PAPPA: variants seen among roughly 807,000 people sequenced by gnomAD.
PAPPA encodes pappalysin 1.
A neutral mutation model predicts 164.0 loss-of-function variants in PAPPA; 60 were observed. That is an observed-to-expected ratio of 0.37 (90% CI 0.30 to 0.45). The LOEUF (loss-of-function observed/expected upper bound fraction) is 0.45. Ranked by LOEUF, PAPPA falls within the 20% of genes least tolerant of loss-of-function variation. The pLI, the probability that PAPPA is intolerant of heterozygous loss-of-function variation, is 1.00. For missense variants in PAPPA, 1,782 were observed against 2,087.3 expected, an observed-to-expected ratio of 0.85 and a Z score of 2.85; for synonymous variants, 875 against 814.1, an observed-to-expected ratio of 1.07 and a Z score of -1.27.
At chr9:116,232,282 G>C (rs1587963688) in intron 6 of PAPPA, among the ~76,000 whole-genome samples, 1 of 152,218 alleles carries the variant, frequency 6.6e-6, no homozygotes, top group African/African-American at 2.4e-5. Context: ...CTATTCTCAT[G>C]CTTGGAATAC....
rs1255796735 is a variant in PAPPA at position 116,399,941 on chromosome 9, G to A, written c.*3325G>A. The A allele has an allele frequency of 6.6e-6, 1 of 152,578 alleles. No individual in the cohort carries two copies. Among genetic ancestry groups the A allele is most frequent in the Non-Finnish European group, 1.5e-5 (1 of 68,020 alleles). The allele number at this position is 152,578 out of a possible 1,614,324, so 9.5% of individuals were successfully genotyped here. On this transcript the variant is annotated 3_prime_UTR_variant, in exon 22 of 22. Transcript: ENST00000328252. ...TTGTTGAAAATAATTCTTTGAGACA[G>A]ATTTCAGCTACCTCCCTTCCAGGTT...
Position 116,164,273 on chromosome 9 carries a change from C to G in PAPPA, c.415+9686C>G, listed in dbSNP as rs962686620. Among the ~76,000 whole-genome samples, 4 of 152,214 alleles carry G rather than the reference C, an allele frequency of 2.6e-5. 1 individual carries two copies. Among genetic ancestry groups the G allele is most frequent in the Non-Finnish European group, 2.9e-5 (2 of 68,040 alleles). Reference sequence around the variant, plus strand: ...AAGTATATCCAGCTTCCTCTCAACTCCCTCCTTCTTCTCTCTCTTCCTACT... The same window carrying G: ...AAGTATATCCAGCTTCCTCTCAACTGCCTCCTTCTTCTCTCTCTTCCTACT... On this transcript the variant is annotated intron_variant, in intron 1 of 21. Transcript: ENST00000328252.
At position 116,402,074 on chromosome 9, in the gene PAPPA, T is replaced by C. The variant is rs1324090521; in HGVS notation, c.*5458T>C. ...TATTAAGAATGTCATCTTTTTTAAT[T>C]TATATTTACACAATTGTTCATCTAA... On this transcript the variant is annotated 3_prime_UTR_variant, in exon 22 of 22. Transcript: ENST00000328252. 1.3e-5 allele frequency: 2 copies of C among 152,512 alleles called. No homozygotes were observed. Among genetic ancestry groups the C allele is most frequent in the Non-Finnish European group, 2.9e-5 (2 of 67,988 alleles). 9.4% of individuals were successfully genotyped at this position (152,512 alleles called of 1,614,324 possible).
At chr9:116,225,093 G>T (rs1450367698) in intron 5 of PAPPA, among the ~76,000 whole-genome samples, 7 of 152,206 alleles carry the variant, frequency 4.6e-5, no homozygotes, top group Non-Finnish European at 1.0e-4. Context: ...GGCTTTATGT[G>T]TATCACCCAC....
chr9:116,270,102 C>G (rs1375879688), intron 8 of PAPPA, among the ~76,000 whole-genome samples: 1 of 152,180 alleles, frequency 6.6e-6, no homozygotes, highest in East Asian at 1.9e-4. Flanking sequence ...CAGCTGGTCT[C>G]TGGGGAGGGA....
chr9:116,400,069 C>T lies in PAPPA; in HGVS notation c.*3453C>T, dbSNP rs770292053. 4 of 152,056 alleles carry T rather than the reference C, an allele frequency of 2.6e-5. No homozygotes were observed. The highest frequency in any genetic ancestry group is 1.3e-4 in the Admixed American group (2 of 15,212). The allele number at this position is 152,056 out of a possible 1,614,324, so 9.4% of individuals were successfully genotyped here. A position where few individuals can be genotyped will look rare whatever the true frequency, so the allele number is the denominator to read the frequency against. The stretch of plus-strand genomic sequence containing the variant: ...AGAAAGAGAAAGGAAATTATAAGGT[C>T]AAGTTAACAGTTTTGAGGTTTTGTG... On this transcript the variant is annotated 3_prime_UTR_variant, in exon 22 of 22. Coordinates refer to ENST00000328252, the MANE Select transcript of PAPPA (RefSeq NM_002581.5).
intron 21 of PAPPA, among the ~76,000 whole-genome samples, chr9:116,385,871 G>A (rs996092395): frequency 2.6e-5 from 4 of 152,218 alleles, no homozygotes; most frequent in African/African-American, 9.6e-5. Context: ...GTCTATTAGA[G>A]GAGCCTGTTA....
At chr9:116,221,340 A>T (rs1451813396) in intron 5 of PAPPA, among the ~76,000 whole-genome samples, 1 of 152,202 alleles carries the variant, frequency 6.6e-6, no homozygotes, top group East Asian at 1.9e-4. Context: ...CTTCTTTGGG[A>T]TGCTTCATCT....
intron 19 of PAPPA, among the ~76,000 whole-genome samples, chr9:116,375,577 T>C (rs1004137000): frequency 1.3e-5 from 2 of 152,346 alleles, no homozygotes; most frequent in South Asian, 4.1e-4. Flanking sequence ...AAATATTTAT[T>C]TAGCATCCCC....
rs1278361471 is a variant in PAPPA at position 116,367,518 on chromosome 9, T to C, written c.4496-127T>C. 5.9e-6 allele frequency: 4 copies of C among 673,586 alleles called. No individual in the cohort carries two copies. The African/African-American group carries it at 7.1e-5, about 12-fold the overall frequency. The allele number at this position is 673,586 out of a possible 1,614,324, so 41.7% of individuals were successfully genotyped here. A position where few individuals can be genotyped will look rare whatever the true frequency, so the allele number is the denominator to read the frequency against. ...GCCTGGCTTGCCTTCTCCTTCCCAC[T>C]GCCTTCAGGTTGGGTAGCTGAGTCC... is the stretch of plus-strand genomic sequence containing the variant. On this transcript the variant is annotated intron_variant, in intron 18 of 21. Transcript: ENST00000328252.
chr9:116,214,831 A>G (rs1844351158), intron 4 of PAPPA, among the ~76,000 whole-genome samples: 1 of 152,174 alleles, frequency 6.6e-6, no homozygotes, highest in African/African-American at 2.4e-5. Flanking sequence ...TCTGTGTGTC[A>G]TGGCTTCTTA....
intron 3 of PAPPA, among the ~76,000 whole-genome samples, chr9:116,207,910 T>G (rs781770729): frequency 1.1e-4 from 17 of 152,162 alleles, no homozygotes; most frequent in Non-Finnish European, 2.2e-4. Flanking sequence ...CAATTGGAAT[T>G]TAAGTTTCCA....
chr9:116,260,277 T>A (rs561617921), intron 7 of PAPPA, among the ~76,000 whole-genome samples: 1 of 152,370 alleles, frequency 6.6e-6, no homozygotes, highest in East Asian at 1.9e-4. Context: ...GACAAAGCTG[T>A]ATAGTAAGCC....
At chr9:116,198,505 C>T (rs1184063880) in intron 2 of PAPPA, among the ~76,000 whole-genome samples, 1 of 152,222 alleles carries the variant, frequency 6.6e-6, no homozygotes, top group African/African-American at 2.4e-5. Flanking sequence ...TTGCACAAGA[C>T]ATCTGTAATT....
chr9:116,351,056 C>T (rs1846276024), intron 15 of PAPPA, among the ~76,000 whole-genome samples: 1 of 152,070 alleles, frequency 6.6e-6, no homozygotes, highest in Non-Finnish European at 1.5e-5. Context: ...GTACTTTCTC[C>T]CCTTTCTTCC....
intron 1 of PAPPA, among the ~76,000 whole-genome samples, chr9:116,164,708 A>G (rs1239765804): frequency 4.6e-5 from 7 of 152,212 alleles, no homozygotes; most frequent in Non-Finnish European, 1.0e-4. Flanking sequence ...GTGGCTCGGC[A>G]GAATGTGGCC....
At chr9:116,349,179 T>A (rs1276675862) in intron 15 of PAPPA, among the ~76,000 whole-genome samples, 1 of 145,898 alleles carries the variant, frequency 6.9e-6, no homozygotes, top group Admixed American at 6.9e-5. Context: ...TGCAGCCAGT[T>A]GATTGAGTGA....
In PAPPA at chr9:116,302,882, G is replaced by A. The variant is rs1362271276; in HGVS notation, c.3079G>A (p.Ala1027Thr). The A allele has an allele frequency of 6.2e-7, 1 of 1,614,130 alleles. No homozygotes were observed. The highest frequency in any genetic ancestry group is 1.1e-5 in the South Asian group (1 of 91,078). ...ATTCCTGGATCAGTGGGCATCCAATGCTTCAGTATCTCATCAAGACCAGCA... is the reference window on the plus strand; with the variant it reads ...ATTCCTGGATCAGTGGGCATCCAATACTTCAGTATCTCATCAAGACCAGCA... ...QGFLDQWASN[A>T]SVSHQDQQCP... Residue 1027 changes from alanine (A) to threonine (T), a missense_variant, in exon 10 of 22, where the codon GCT (alanine) becomes ACT (threonine). Ala to Thr is a moderately conservative substitution (Grantham distance 58). Transcript: ENST00000328252.
chr9:116,323,378 C>T (rs986753105), intron 10 of PAPPA, among the ~76,000 whole-genome samples: 1 of 152,116 alleles, frequency 6.6e-6, no homozygotes, highest in African/African-American at 2.4e-5. Flanking sequence ...TGTATATGTT[C>T]AAGCCGGTCT....
Sources: allele counts gnomAD v4.1 joint callset (sites outside exome capture counted in the v4.1 genomes callset), GRCh38; gene constraint gnomAD v4.1.1; transcripts MANE v1.5; gene names NCBI Gene and HGNC (gene_info 2026-07-23, HGNC 2026-07-21).